Variants in NMRK2 observed in about 807,000 individuals in gnomAD.
NMRK2 encodes nicotinamide riboside kinase 2.
NMRK2 carries 34 observed loss-of-function variants against 24.7 expected under a neutral mutation model. The observed-to-expected ratio is 1.37, with a 90% confidence interval of 1.05 to 1.83. The LOEUF (loss-of-function observed/expected upper bound fraction) is 1.83, where lower values mean the gene tolerates loss of function less well. NMRK2 is among the 40% of genes most tolerant of loss of function. The probability of loss-of-function intolerance (pLI) is 0.00; values close to 1 mark genes in which losing one functional copy is unlikely to be tolerated. For missense variants in NMRK2, 341 were observed against 315.0 expected (o/e 1.08, Z -0.62); for synonymous variants, 145 against 125.6 (o/e 1.15, Z -1.03).
At chr19:3,936,827 G>C (rs78453343) in intron 3 of NMRK2, among the ~76,000 whole-genome samples, 162 bp downstream of exon 3, 5,605 of 152,258 alleles carry the variant, frequency 0.037, 353 homozygotes, top group African/African-American at 0.13. Flanking sequence ...ACTGGGCCAG[G>C]AAAGTGAGGG....
In NMRK2 at chr19:3,933,557, C is replaced by G; in HGVS notation, c.-115C>G. ...GGGGCGGCCTCCAGGCTGCCGAGACCTATAAAGGCGCCAGGTTTTCTCAAT... is the reference window on the plus strand; with the variant it reads ...GGGGCGGCCTCCAGGCTGCCGAGACGTATAAAGGCGCCAGGTTTTCTCAAT... On this transcript the variant is annotated 5_prime_UTR_variant, in exon 2 of 8. Transcript: ENST00000168977. 3.0e-6 allele frequency: 4 copies of G among 1,324,450 alleles called. No individual in the cohort carries two copies. The highest frequency in any genetic ancestry group is 4.1e-6 in the Non-Finnish European group (4 of 981,952). 82.0% of individuals were successfully genotyped at this position (1,324,450 alleles called of 1,614,324 possible). A position where few individuals can be genotyped will look rare whatever the true frequency, so the allele number is the denominator to read the frequency against.
rs2039301456 is a variant in NMRK2 at position 3,939,981 on chromosome 19, G to C, written c.395+10G>C. ...GCAAGTGGAGGAGAAGGTGCACTTG[G>C]TGTCTGGGGGTGCGGTGGGCTCCTG... On this transcript the variant is annotated intron_variant, in intron 6 of 7. Coordinates refer to ENST00000168977, the MANE Select transcript of NMRK2 (RefSeq NM_170678.3). The C allele has an allele frequency of 3.1e-6, 5 of 1,609,382 alleles. No homozygotes were observed. The highest frequency in any genetic ancestry group is 4.3e-6 in the Non-Finnish European group (5 of 1,176,168).
intron 6 of NMRK2, 64 bp downstream of exon 6, chr19:3,940,035 A>T: frequency 7.1e-7 from 1 of 1,415,078 alleles, no homozygotes; most frequent in Non-Finnish European, 9.9e-7. Flanking sequence ...ACTGGGTGGA[A>T]CCAGCGGTAA....
At chr19:3,934,868 C>A (rs1288074630) in intron 2 of NMRK2, among the ~76,000 whole-genome samples, 1 of 152,138 alleles carries the variant, frequency 6.6e-6, no homozygotes, top group Non-Finnish European at 1.5e-5. Context: ...CAGGCGTGAG[C>A]CACCGTGCCC....
Position 3,942,082 on chromosome 19 carries a change from G to C in NMRK2, c.503-1G>C. On this transcript the variant is annotated splice_acceptor_variant, in intron 7 of 7. Coordinates refer to ENST00000168977, the MANE Select transcript of NMRK2 (RefSeq NM_170678.3). LOFTEE classifies it high-confidence loss of function. ...CCCTGACGCAGCCTTTCTGATTTCA[G>C]TCTACCTGGACGGCATGAAGTCCCG... 1 of 1,611,984 alleles carries C rather than the reference G, an allele frequency of 6.2e-7. No homozygotes were observed. Among genetic ancestry groups the C allele is most frequent in the Non-Finnish European group, 8.5e-7 (1 of 1,178,954 alleles).
In NMRK2 at chr19:3,936,910, G is replaced by A. The variant is rs2039224057; in HGVS notation, c.117+245G>A. On this transcript the variant is annotated intron_variant, in intron 3 of 7. Transcript: ENST00000168977. ...CATTCTCACTGGACATCCCTACAGT[G>A]GGGACCCCAGTTAGATGGATGGGAA... is the stretch of plus-strand genomic sequence containing the variant. 2.0e-5 allele frequency among the ~76,000 whole-genome samples: 3 copies of A among 152,268 alleles called. No homozygotes were observed. In the South Asian group the frequency reaches 6.2e-4, roughly 32 times the overall value.
At chr19:3,939,334 G>A (rs899336157) in intron 5 of NMRK2, among the ~76,000 whole-genome samples, 3 of 150,674 alleles carry the variant, frequency 2.0e-5, no homozygotes, top group South Asian at 2.1e-4. Context: ...CCAACATGGC[G>A]AAACCCTGTC....
At chr19:3,933,760 G>C (rs1055138486) in intron 2 of NMRK2, 63 bp downstream of exon 2, 7 of 1,356,396 alleles carry the variant, frequency 5.2e-6, no homozygotes, top group Non-Finnish European at 4.8e-6. Context: ...GCGCAGAGGG[G>C]GAGGCCCGGG....
At chr19:3,934,229 A>G (rs2039172229) in intron 2 of NMRK2, among the ~76,000 whole-genome samples, 1 of 152,180 alleles carries the variant, frequency 6.6e-6, no homozygotes, top group South Asian at 2.1e-4. Context: ...CCTGGGCGAC[A>G]GAGTGAGGCT....
At chr19:3,940,515 C>A (rs914724842) in intron 6 of NMRK2, among the ~76,000 whole-genome samples, 11 of 151,460 alleles carry the variant, frequency 7.3e-5, no homozygotes, top group Admixed American at 6.6e-4. Context: ...ATGGGCGGAT[C>A]ACCTGAGGTC....
chr19:3,939,825 T>TGGG, intron 5 of NMRK2, 75 bp from the exon 6 acceptor site: 1 of 1,369,268 alleles, frequency 7.3e-7, no homozygotes, highest in Non-Finnish European at 1.0e-6. Flanking sequence ...AAGCCAAGGC[T>TGGG]GGGGGGTTGG....
Position 3,939,956 on chromosome 19 carries a change from G to A in NMRK2, c.380G>A (p.Cys127Tyr), listed in dbSNP as rs556342655. ...RYFLTVPYEE[C>Y]KWRRSTRNYT... ...TTCCTGACCGTCCCGTATGAAGAGTGCAAGTGGAGGAGAAGGTGCACTTGG... is the reference window on the plus strand; with the variant it reads ...TTCCTGACCGTCCCGTATGAAGAGTACAAGTGGAGGAGAAGGTGCACTTGG... Residue 127 changes from cysteine to tyrosine, a missense_variant, in exon 6 of 8, where the codon TGC becomes TAC. By Grantham distance (194) the Cys-to-Tyr change is radical. Coordinates refer to ENST00000168977, the MANE Select transcript of NMRK2 (RefSeq NM_170678.3). 6.2e-7 allele frequency: 1 copy of A among 1,612,050 alleles called. No individual in the cohort carries two copies. Among genetic ancestry groups the A allele is most frequent in the South Asian group, 1.1e-5 (1 of 91,042 alleles).
At chr19:3,934,375 T>G (rs1209628146) in intron 2 of NMRK2, among the ~76,000 whole-genome samples, 1 of 152,028 alleles carries the variant, frequency 6.6e-6, no homozygotes, top group Non-Finnish European at 1.5e-5. Flanking sequence ...AAAATGTCAT[T>G]CCACATGACT....
intron 7 of NMRK2, 54 bp from the exon 8 acceptor site, chr19:3,942,029 C>T (rs1238856683): frequency 2.8e-5 from 42 of 1,484,268 alleles, no homozygotes; most frequent in Non-Finnish European, 3.5e-5. Flanking sequence ...CTCGTCCCCC[C>T]GTGCTCTGGC....
chr19:3,939,365 T>C (rs1390756159), intron 5 of NMRK2, among the ~76,000 whole-genome samples: 2 of 151,212 alleles, frequency 1.3e-5, no homozygotes, highest in Non-Finnish European at 3.0e-5. Flanking sequence ...ATACAAAAAA[T>C]TAGCCAGGTG....
At chr19:3,933,348 A>C in intron 1 of NMRK2, 110 bp from the exon 2 acceptor site, 33 of 343,944 alleles carry the variant, frequency 9.6e-5, no homozygotes, top group East Asian at 1.1e-4. Flanking sequence ...AGGAGGGGGT[A>C]AGAAGGGGAG....
chr19:3,938,138 G>C (rs28547894), intron 4 of NMRK2, among the ~76,000 whole-genome samples: 6 of 89,792 alleles, frequency 6.7e-5, no homozygotes, highest in South Asian at 4.3e-4. Context: ...CCTGCTCCCC[G>C]TCCACTGTCC....
intron 2 of NMRK2, among the ~76,000 whole-genome samples, chr19:3,935,251 C>CTTT (rs900517564): frequency 2.3e-3 from 243 of 105,550 alleles, no homozygotes; most frequent in Non-Finnish European, 2.8e-3. Context: ...TTCCGTCAGT[C>CTTT]TTTTTTTTTT....
chr19:3,941,052 T>G lies in NMRK2; in HGVS notation c.396-19T>G, dbSNP rs747698897. ...CACCCTTCTGTGCTCTAAGCCATCCTTGCCTTCTCCCTCTGCAGTACCCGC... is the reference window on the plus strand; with the variant it reads ...CACCCTTCTGTGCTCTAAGCCATCCGTGCCTTCTCCCTCTGCAGTACCCGC... On this transcript the variant is annotated intron_variant, in intron 6 of 7. Coordinates refer to ENST00000168977, the MANE Select transcript of NMRK2 (RefSeq NM_170678.3). 1 of 1,553,466 alleles carries G rather than the reference T, an allele frequency of 6.4e-7. No individual in the cohort carries two copies. The highest frequency in any genetic ancestry group is 1.4e-5 in the African/African-American group (1 of 73,648).
Sources: gnomAD v4.1 joint callset for allele counts (sites outside exome capture counted in the v4.1 genomes callset) on GRCh38, gnomAD v4.1.1 for gene constraint, MANE v1.5 for transcripts, NCBI Gene and HGNC (gene_info 2026-07-23, HGNC 2026-07-21) for gene names.